SPEF2: variants seen among roughly 807,000 people sequenced by gnomAD.
SPEF2 encodes the protein sperm flagellar and cilia associated 2, also known as sperm flagella and cilia-associated protein 2.
SPEF2 carries 187 observed loss-of-function variants against 224.6 expected under a neutral mutation model. The observed-to-expected ratio is 0.83, with a 90% confidence interval of 0.74 to 0.94. SPEF2 has a LOEUF of 0.94. Ranked by LOEUF, SPEF2 falls within the 40% of genes least tolerant of loss-of-function variation. SPEF2 has a pLI of 0.00. For missense variants in SPEF2, 2,170 were observed against 2,135.6 expected, an observed-to-expected ratio of 1.02 and a Z score of -0.32; for synonymous variants, 715 against 707.3, an observed-to-expected ratio of 1.01 and a Z score of -0.17.
At chr5:35,757,171 T>G (rs555529720) in intron 24 of SPEF2, among the ~76,000 whole-genome samples, 1 of 147,356 alleles carries the variant, frequency 6.8e-6, no homozygotes, top group African/African-American at 2.4e-5. Context: ...TTATCATAAA[T>G]GTAACATGAA....
chr5:35,667,481 A>T (rs1384125906), intron 9 of SPEF2, among the ~76,000 whole-genome samples: 2 of 152,166 alleles, frequency 1.3e-5, no homozygotes, highest in African/African-American at 4.8e-5. Flanking sequence ...TATGAAAATT[A>T]AAGTGGATCA....
chr5:35,715,778 A>G (rs1470812053), intron 20 of SPEF2, among the ~76,000 whole-genome samples: 2 of 89,826 alleles, frequency 2.2e-5, no homozygotes, highest in East Asian at 6.4e-4. Flanking sequence ...TCTTTTTTCT[A>G]TTTTACTTTA....
At position 35,708,626 on chromosome 5, in the gene SPEF2, C is replaced by A. The variant is rs370032038; in HGVS notation, c.2666-322C>A. The stretch of plus-strand genomic sequence containing the variant: ...ACAGACTTCACCACCTCTACCTCCA[C>A]CACCATCACCTCTACCAGCACCTCC... On this transcript the variant is annotated intron_variant, in intron 18 of 36. Transcript: ENST00000356031. 1.9e-3 allele frequency among the ~76,000 whole-genome samples: 262 copies of A among 137,450 alleles called. 3 individuals carry two copies. The highest frequency in any genetic ancestry group is 7.3e-3 in the African/African-American group (249 of 34,092). 90.2% of individuals were successfully genotyped at this position (137,450 alleles called of 152,430 possible).
intron 16 of SPEF2, among the ~76,000 whole-genome samples, chr5:35,701,520 A>T (rs1738636056): frequency 6.6e-6 from 1 of 152,176 alleles, no homozygotes; most frequent in Non-Finnish European, 1.5e-5. Flanking sequence ...AGACTTTGAA[A>T]TCAACAAATG....
intron 2 of SPEF2, among the ~76,000 whole-genome samples, chr5:35,630,152 G>C (rs1381266157): frequency 6.6e-6 from 1 of 152,100 alleles, no homozygotes; most frequent in Non-Finnish European, 1.5e-5. Flanking sequence ...TGGCTTTCAG[G>C]GTACAACCCC....
In SPEF2 at chr5:35,793,350, CA is replaced by C. The variant is rs774685213; in HGVS notation, c.4737+10del. On this transcript the variant is annotated intron_variant, in intron 32 of 36. Transcript: ENST00000356031. ...TTGAGCAGTATATGCAGGTTGTTAC[CA>C]GCACCTGATGGCATTGATAACACCA... is the stretch of plus-strand genomic sequence containing the variant. 1.9e-6 allele frequency: 3 copies of C among 1,607,732 alleles called. No individual in the cohort carries two copies. Among genetic ancestry groups the C allele is most frequent in the Non-Finnish European group, 8.5e-7 (1 of 1,177,882 alleles).
intron 21 of SPEF2, among the ~76,000 whole-genome samples, chr5:35,739,462 A>G (rs973852607): frequency 1.3e-5 from 2 of 152,210 alleles, no homozygotes; most frequent in Non-Finnish European, 2.9e-5. Context: ...GGCTCAGTGC[A>G]AGCTCCGCCT....
chr5:35,741,936 T>A (rs563985783), intron 23 of SPEF2, among the ~76,000 whole-genome samples: 2 of 152,228 alleles, frequency 1.3e-5, no homozygotes, highest in African/African-American at 4.8e-5. Context: ...ATTTAAAATA[T>A]CTTATTTGGG....
chr5:35,695,751 A>C lies in SPEF2; in HGVS notation c.1992A>C (p.Lys664Asn). Residue 664 changes from lysine (K) to asparagine (N), a missense_variant, in exon 14 of 37, where the codon AAA becomes AAC. By Grantham distance (94) the Lys-to-Asn change is moderately conservative (BLOSUM62 0). Coordinates refer to ENST00000356031, the MANE Select transcript of SPEF2 (RefSeq NM_024867.4). ...TATTGCTAGGTGCTAATGCTGATAA[A>C]ACACCAAAAGCTGAAGAAGTCAAAT... ...GETMLSANADKTPKAEEVKSS... is the reference protein window; with the variant it reads ...GETMLSANADNTPKAEEVKSS... The C allele has an allele frequency of 6.2e-7, 1 of 1,610,800 alleles. No individual in the cohort carries two copies. The highest frequency in any genetic ancestry group is 1.7e-5 in the Admixed American group (1 of 59,598).
At chr5:35,722,467 T>G (rs1184951260) in intron 20 of SPEF2, among the ~76,000 whole-genome samples, 3 of 149,852 alleles carry the variant, frequency 2.0e-5, no homozygotes, top group Non-Finnish European at 3.0e-5. Context: ...TTTTTTTTGT[T>G]TTTTTTTTCA....
intron 30 of SPEF2, among the ~76,000 whole-genome samples, chr5:35,786,373 G>A (rs758861189): frequency 7.9e-5 from 12 of 152,026 alleles, no homozygotes; most frequent in Non-Finnish European, 1.6e-4. Context: ...AAAAAGCGAA[G>A]GAGAGGCTGG....
chr5:35,728,270 G>A (rs1745017423), intron 21 of SPEF2, among the ~76,000 whole-genome samples: 1 of 139,428 alleles, frequency 7.2e-6, no homozygotes, highest in Non-Finnish European at 1.5e-5. Context: ...AGAACAGACA[G>A]CTATCTGACC....
chr5:35,691,805 A>AT (rs1409133602), intron 11 of SPEF2, among the ~76,000 whole-genome samples: 1 of 151,790 alleles, frequency 6.6e-6, no homozygotes, highest in Admixed American at 6.6e-5. Context: ...TTATTTATTT[A>AT]TTTATTTTTT....
intron 2 of SPEF2, among the ~76,000 whole-genome samples, chr5:35,639,521 A>T (rs1221752579): frequency 1.3e-5 from 2 of 152,158 alleles, no homozygotes. Context: ...TTAAAATGTA[A>T]ACTGGAAATA....
chr5:35,667,853 A>C lies in SPEF2; in HGVS notation c.1355+594A>C, dbSNP rs577544460. ...AAGCCAGTTCAAAAATAGGCAAAAG[A>C]TATGAAAAGACATTTCACTGAAGAG... On this transcript the variant is annotated intron_variant, in intron 9 of 36. Coordinates refer to ENST00000356031, the MANE Select transcript of SPEF2 (RefSeq NM_024867.4). Among the ~76,000 whole-genome samples the C allele has an allele frequency of 2.0e-5, 3 of 152,310 alleles. No individual in the cohort carries two copies. In the South Asian group the frequency reaches 6.2e-4, roughly 32 times the overall value.
intron 10 of SPEF2, among the ~76,000 whole-genome samples, chr5:35,687,794 T>G (rs1166146161): frequency 6.6e-6 from 1 of 152,190 alleles, no homozygotes; most frequent in Admixed American, 6.5e-5. Flanking sequence ...TTGAACCTTT[T>G]TATCTCACCC....
chr5:35,733,826 A>G (rs1472889841), intron 21 of SPEF2, among the ~76,000 whole-genome samples: 1 of 152,174 alleles, frequency 6.6e-6, no homozygotes, highest in African/African-American at 2.4e-5. Context: ...GTCTATGTTC[A>G]AATCCCAGCT....
In SPEF2 at chr5:35,670,111, A is replaced by G; in HGVS notation, c.1408A>G (p.Lys470Glu). Residue 470 changes from lysine (K) to glutamate (E), a missense_variant, in exon 10 of 37, where the codon AAA becomes GAA. Transcript: ENST00000356031. ...HDWKELFFNA[K>E]PIYEQASVKT... Reference sequence around the variant, plus strand: ...TTGGAAGGAACTATTTTTTAATGCAAAACCCATATATGAACAAGCCTCTGT... The same window carrying G: ...TTGGAAGGAACTATTTTTTAATGCAGAACCCATATATGAACAAGCCTCTGT... 1.2e-6 allele frequency: 2 copies of G among 1,611,000 alleles called. No individual in the cohort carries two copies. The highest frequency in any genetic ancestry group is 1.3e-5 in the African/African-American group (1 of 74,892).
chr5:35,618,287 C>T (rs1742955050), intron 1 of SPEF2, among the ~76,000 whole-genome samples: 1 of 152,164 alleles, frequency 6.6e-6, no homozygotes, highest in African/African-American at 2.4e-5. Context: ...GTCACGTCCC[C>T]ACTCTGCCGC....
Sources: allele counts gnomAD v4.1 joint callset (sites outside exome capture counted in the v4.1 genomes callset), GRCh38; gene constraint gnomAD v4.1.1; transcripts MANE v1.5; gene names NCBI Gene and HGNC (gene_info 2026-07-23, HGNC 2026-07-21).